PTPRD: variants seen among roughly 807,000 people sequenced by gnomAD.
PTPRD encodes receptor-type tyrosine-protein phosphatase delta.
Under a neutral mutation model 214.5 loss-of-function variants are expected in PTPRD, and 34 were observed. The observed-to-expected ratio is 0.16, with a 90% CI of 0.12 to 0.21. The LOEUF is 0.21. Ranked by LOEUF, PTPRD falls within the 10% of genes least tolerant of loss-of-function variation. PTPRD has a pLI of 1.00. For missense variants in PTPRD, 2,545 were observed against 2,398.7 expected, an observed-to-expected ratio of 1.06 and a Z score of -1.27; for synonymous variants, 1,128 against 845.7, an observed-to-expected ratio of 1.33 and a Z score of -5.79.
chr9:9,349,736 C>G (rs930697106), intron 9 of PTPRD, among the ~76,000 whole-genome samples: 2 of 151,574 alleles, frequency 1.3e-5, no homozygotes, highest in South Asian at 4.2e-4. Flanking sequence ...GTTTATACCA[C>G]TTAAGTGGCA....
chr9:9,075,883 G>A (rs1288628239), intron 10 of PTPRD, among the ~76,000 whole-genome samples: 2 of 152,156 alleles, frequency 1.3e-5, no homozygotes, highest in Non-Finnish European at 2.9e-5. Context: ...GTGTGCATGT[G>A]TCTTTATAGC....
chr9:10,084,452 A>G (rs1373173209), intron 3 of PTPRD, among the ~76,000 whole-genome samples: 1 of 151,966 alleles, frequency 6.6e-6, no homozygotes, highest in Non-Finnish European at 1.5e-5. Flanking sequence ...AATAAAATCC[A>G]TGATTAAACC....
At chr9:8,727,688 T>C (rs989499403) in intron 12 of PTPRD, among the ~76,000 whole-genome samples, 2 of 152,260 alleles carry the variant, frequency 1.3e-5, no homozygotes, top group Middle Eastern at 3.4e-3. Context: ...ACAGAGTCTC[T>C]CTCTGTCACA....
chr9:9,480,245 T>G (rs1569568691), intron 8 of PTPRD, among the ~76,000 whole-genome samples: 2 of 152,202 alleles, frequency 1.3e-5, no homozygotes, highest in African/African-American at 4.8e-5. Flanking sequence ...TTCACAGTTT[T>G]CTTAAATCAT....
intron 3 of PTPRD, among the ~76,000 whole-genome samples, chr9:10,283,395 C>T (rs373982566): frequency 3.9e-5 from 6 of 152,096 alleles, no homozygotes; most frequent in African/African-American, 1.4e-4. Flanking sequence ...TGCTATTTAT[C>T]CCTAGAAATA....
At chr9:9,265,802 T>G (rs1393941055) in intron 9 of PTPRD, among the ~76,000 whole-genome samples, 6 of 148,466 alleles carry the variant, frequency 4.0e-5, no homozygotes, top group African/African-American at 1.5e-4. Context: ...TAAAAAAAAA[T>G]AAAGAAAGGA....
intron 11 of PTPRD, among the ~76,000 whole-genome samples, chr9:9,003,174 T>A (rs1277934351): frequency 6.6e-6 from 1 of 152,046 alleles, no homozygotes; most frequent in Non-Finnish European, 1.5e-5. Context: ...TACTGGACTT[T>A]GTCCCAGTAC....
intron 3 of PTPRD, among the ~76,000 whole-genome samples, chr9:10,219,637 A>C (rs2099556782): frequency 6.6e-6 from 1 of 151,880 alleles, no homozygotes; most frequent in Admixed American, 6.6e-5. Flanking sequence ...TTTCCTATTA[A>C]TCAAATAAAT....
intron 3 of PTPRD, among the ~76,000 whole-genome samples, chr9:10,295,721 A>G (rs2095654691): frequency 6.6e-6 from 1 of 152,082 alleles, no homozygotes; most frequent in Non-Finnish European, 1.5e-5. Context: ...TTAAAGTATG[A>G]ACTTTATGAT....
At chr9:9,035,680 T>G (rs2099619471) in intron 10 of PTPRD, among the ~76,000 whole-genome samples, 1 of 152,136 alleles carries the variant, frequency 6.6e-6, no homozygotes, top group African/African-American at 2.4e-5. Flanking sequence ...TCCTCTTACT[T>G]GAGGACTAGT....
At chr9:10,029,986 A>G (rs1187520366) in intron 4 of PTPRD, among the ~76,000 whole-genome samples, 1 of 152,150 alleles carries the variant, frequency 6.6e-6, no homozygotes, top group African/African-American at 2.4e-5. Flanking sequence ...CTGATAGTAA[A>G]TAAGTCTCAT....
At chr9:8,487,831 C>T (rs896332491) in intron 27 of PTPRD, among the ~76,000 whole-genome samples, 2 of 151,530 alleles carry the variant, frequency 1.3e-5, no homozygotes. Context: ...AACAAACAAA[C>T]AAACAAACAG....
intron 4 of PTPRD, among the ~76,000 whole-genome samples, chr9:9,944,857 A>C (rs538574337): frequency 6.6e-6 from 1 of 152,068 alleles, no homozygotes. Context: ...GTATTTTTTG[A>C]GTAGAAAGCA....
chr9:10,484,511 C>G lies in PTPRD; in HGVS notation c.-600+127887G>C, dbSNP rs138273008. On this transcript the variant is annotated intron_variant, in intron 2 of 45. Coordinates refer to ENST00000381196, the MANE Select transcript of PTPRD (RefSeq NM_002839.4). ...TATTTACATTCTCACGACAAGTGTA[C>G]GAGGGTTCTCTTTTCTCCATATCCT... 3.9e-5 allele frequency among the ~76,000 whole-genome samples: 6 copies of G among 152,142 alleles called. No homozygotes were observed. The East Asian group carries it at 1.2e-3, about 29-fold the overall frequency.
At chr9:10,380,295 T>G (rs571313505) in intron 2 of PTPRD, among the ~76,000 whole-genome samples, 2 of 152,218 alleles carry the variant, frequency 1.3e-5, no homozygotes, top group Non-Finnish European at 2.9e-5. Flanking sequence ...TTCATGGATG[T>G]TCTTTGGAAA....
chr9:8,339,734 G>C (rs1220261053), intron 42 of PTPRD, among the ~76,000 whole-genome samples: 2 of 151,832 alleles, frequency 1.3e-5, no homozygotes, highest in African/African-American at 4.8e-5. Flanking sequence ...CTTACATCAA[G>C]TCAATCTAAG....
At chr9:9,017,810 T>G (rs72692856) in intron 11 of PTPRD, among the ~76,000 whole-genome samples, 4 of 152,158 alleles carry the variant, frequency 2.6e-5, no homozygotes, top group Non-Finnish European at 2.9e-5. Context: ...ATTACGTAAA[T>G]TGTCAAATAA....
rs774366967 is a variant in PTPRD at position 8,460,400 on chromosome 9, G to C, written c.3875+11C>G. 6.2e-7 allele frequency: 1 copy of C among 1,610,546 alleles called. No individual in the cohort carries two copies. The highest frequency in any genetic ancestry group is 8.5e-7 in the Non-Finnish European group (1 of 1,178,384). On this transcript the variant is annotated intron_variant, in intron 33 of 45. Coordinates refer to ENST00000381196, the MANE Select transcript of PTPRD (RefSeq NM_002839.4). ...CTCCAAAATTACAACAGAAATATTG[G>C]GCAAACCTACCTTTTATAAAGAAGA...
chr9:10,434,835 T>C (rs1239238032), intron 2 of PTPRD, among the ~76,000 whole-genome samples: 2 of 151,922 alleles, frequency 1.3e-5, no homozygotes, highest in Non-Finnish European at 2.9e-5. Context: ...GCCACTTTTA[T>C]GAATCTTATA....
Sources: gnomAD v4.1 joint callset for allele counts (sites outside exome capture counted in the v4.1 genomes callset) on GRCh38, gnomAD v4.1.1 for gene constraint, MANE v1.5 for transcripts, NCBI Gene and HGNC (gene_info 2026-07-23, HGNC 2026-07-21) for gene names.